PRKG1: variants seen among roughly 807,000 people sequenced by gnomAD.
PRKG1 encodes cGMP-dependent protein kinase 1.
In PRKG1, 35 loss-of-function variants were observed where a neutral mutation model predicts 88.1. The observed-to-expected ratio is 0.40, with a 90% CI of 0.30 to 0.53. The LOEUF (loss-of-function observed/expected upper bound fraction) is 0.53, where lower values mean the gene tolerates loss of function less well. PRKG1 is among the 20% of genes least tolerant of loss of function. The probability of loss-of-function intolerance (pLI) is 0.59; values close to 1 mark genes in which losing one functional copy is unlikely to be tolerated. For missense variants in PRKG1, 540 were observed against 839.8 expected (o/e 0.64, Z 4.41); for synonymous variants, 303 against 292.5 (o/e 1.04, Z -0.37).
intron 9 of PRKG1, among the ~76,000 whole-genome samples, chr10:52,176,338 T>C (rs898506087): frequency 6.6e-6 from 1 of 151,966 alleles, no homozygotes; most frequent in African/African-American, 2.4e-5. Context: ...ATAAGAGGAT[T>C]AATTTTGAGT....
At chr10:51,698,885 C>A in intron 3 of PRKG1, 1 of 1,614,062 alleles carries the variant, frequency 6.2e-7, no homozygotes, top group South Asian at 1.1e-5. Context: ...AGGTCCTGGG[C>A]AGAGCCCAGG....
intron 5 of PRKG1, among the ~76,000 whole-genome samples, chr10:51,978,702 G>A (rs146403948): frequency 1.7e-3 from 258 of 151,766 alleles, no homozygotes; most frequent in African/African-American, 5.6e-3. Context: ...ATTCCTAGGC[G>A]TTTTATTTTT....
At chr10:51,053,538 T>C (rs1002999776) in intron 1 of PRKG1, among the ~76,000 whole-genome samples, 1 of 152,172 alleles carries the variant, frequency 6.6e-6, no homozygotes, top group Non-Finnish European at 1.5e-5. Flanking sequence ...TCACCCCCCA[T>C]GGTAAATCCC....
At chr10:52,055,000 G>T (rs570354123) in intron 6 of PRKG1, among the ~76,000 whole-genome samples, 1 of 152,142 alleles carries the variant, frequency 6.6e-6, no homozygotes, top group Non-Finnish European at 1.5e-5. Flanking sequence ...GCTGGGCATG[G>T]TGGTGCATGC....
chr10:51,049,467 T>C (rs1470712620), intron 1 of PRKG1, among the ~76,000 whole-genome samples: 1 of 152,218 alleles, frequency 6.6e-6, no homozygotes, highest in Non-Finnish European at 1.5e-5. Context: ...TCCATTTATG[T>C]CACTCTTTTT....
intron 1 of PRKG1, among the ~76,000 whole-genome samples, chr10:51,081,737 T>A (rs1000933244): frequency 6.6e-6 from 1 of 152,226 alleles, no homozygotes; most frequent in African/African-American, 2.4e-5. Context: ...ATATAGATTG[T>A]CTCTTTCATT....
chr10:52,177,888 T>C (rs1361637592), intron 9 of PRKG1, among the ~76,000 whole-genome samples: 1 of 151,862 alleles, frequency 6.6e-6, no homozygotes, highest in Non-Finnish European at 1.5e-5. Context: ...CTTTTTTTTT[T>C]CCTTAGTCTA....
intron 3 of PRKG1, among the ~76,000 whole-genome samples, chr10:51,480,070 A>G (rs920553736): frequency 1.3e-5 from 2 of 152,126 alleles, no homozygotes; most frequent in African/African-American, 4.8e-5. Flanking sequence ...GTCTCTGAGC[A>G]TTAGTTAAGT....
Position 50,991,410 on chromosome 10 carries a change from T to C in PRKG1, c.32T>C (p.Ile11Thr), listed in dbSNP as rs745772695. 3 of 1,563,656 alleles carry C rather than the reference T, an allele frequency of 1.9e-6. No individual in the cohort carries two copies. Among genetic ancestry groups the C allele is most frequent in the Non-Finnish European group, 2.6e-6 (3 of 1,155,488 alleles). ...GAGCTAGAGGAAGACTTTGCCAAGA[T>C]TCTCATGCTCAAGGAGGAGAGGATC... Residue 11 changes from isoleucine (I) to threonine (T), a missense_variant, in exon 1 of 18, where the codon ATT becomes ACT. Coordinates refer to the PRKG1 transcript ENST00000401604. The surrounding 1 kb of genome is among the most constrained non-coding windows in gnomAD (Gnocchi z 4.5).
At chr10:51,805,524 A>AT (rs1223953822) in intron 4 of PRKG1, among the ~76,000 whole-genome samples, 4 of 152,066 alleles carry the variant, frequency 2.6e-5, no homozygotes, top group African/African-American at 4.8e-5. Flanking sequence ...TACACAAGTT[A>AT]TATGAGCATA....
chr10:51,651,500 G>A (rs986544724), intron 3 of PRKG1, among the ~76,000 whole-genome samples: 2 of 151,436 alleles, frequency 1.3e-5, no homozygotes, highest in African/African-American at 4.9e-5. Flanking sequence ...CTAGAAGAGT[G>A]ATTTCTCTCT....
chr10:52,192,911 C>T (rs1374670296), intron 9 of PRKG1, among the ~76,000 whole-genome samples: 1 of 151,926 alleles, frequency 6.6e-6, no homozygotes, highest in South Asian at 2.1e-4. Context: ...ACAGTTGAGG[C>T]AAAAGGCTTT....
intron 9 of PRKG1, among the ~76,000 whole-genome samples, chr10:52,249,820 ACT>A (rs993351799): frequency 2.6e-4 from 39 of 150,544 alleles, no homozygotes; most frequent in African/African-American, 8.7e-4. Context: ...ACACAGCAAG[ACT>A]CTGTCTAAAA....
At chr10:50,998,901 T>C (rs1218054596) in intron 1 of PRKG1, among the ~76,000 whole-genome samples, 2 of 152,254 alleles carry the variant, frequency 1.3e-5, no homozygotes, top group African/African-American at 4.8e-5. Flanking sequence ...GTTTTACTTA[T>C]TGCTGTTCTT....
intron 9 of PRKG1, among the ~76,000 whole-genome samples, chr10:52,166,818 T>TATATATATATATAC (rs1564498475): frequency 4.4e-4 from 1 of 2,272 alleles, no homozygotes; most frequent in African/African-American, 6.3e-4. Flanking sequence ...TGTATATATA[T>TATATATATATATAC]GTATATATAT....
intron 3 of PRKG1, among the ~76,000 whole-genome samples, chr10:51,691,176 T>G (rs975450035): frequency 3.3e-5 from 5 of 151,406 alleles, no homozygotes; most frequent in Admixed American, 6.6e-5. Context: ...TCAGTATAGC[T>G]CATCAAAATC....
intron 1 of PRKG1, among the ~76,000 whole-genome samples, chr10:51,119,665 G>C (rs187240143): frequency 3.8e-4 from 57 of 151,790 alleles, no homozygotes; most frequent in African/African-American, 1.3e-3. Context: ...TAAAATTCAT[G>C]GTCTAAAAAT....
At chr10:51,959,103 A>C (rs931103296) in intron 5 of PRKG1, among the ~76,000 whole-genome samples, 2 of 152,176 alleles carry the variant, frequency 1.3e-5, no homozygotes, top group African/African-American at 4.8e-5. Context: ...GCTGGAATTC[A>C]AAACCAGACA....
At chr10:51,977,142 CA>C (rs1028821410) in intron 5 of PRKG1, among the ~76,000 whole-genome samples, 2 of 151,884 alleles carry the variant, frequency 1.3e-5, no homozygotes, top group Non-Finnish European at 2.9e-5. Flanking sequence ...CCAATAGGCC[CA>C]AGTGTCTGCT....
Sources: gnomAD v4.1 joint callset for allele counts (sites outside exome capture counted in the v4.1 genomes callset) on GRCh38, gnomAD v4.1.1 for gene constraint, Gnocchi (gnomAD v3.1) non-coding constraint, MANE v1.5 for transcripts, NCBI Gene and HGNC (gene_info 2026-07-23, HGNC 2026-07-21) for gene names.